LRRC4C: variants seen among roughly 807,000 people sequenced by gnomAD.
LRRC4C encodes leucine rich repeat containing 4C.
Under a neutral mutation model 33.6 loss-of-function variants are expected in LRRC4C, and 5 were observed. The ratio of observed to expected loss-of-function variants is 0.15; its 90% CI spans 0.08 to 0.31. The LOEUF (loss-of-function observed/expected upper bound fraction) is 0.31, where lower values mean the gene tolerates loss of function less well. Ranked by LOEUF, LRRC4C falls within the 10% of genes least tolerant of loss-of-function variation. The pLI, the probability that LRRC4C is intolerant of heterozygous loss-of-function variation, is 1.00. For synonymous variants in LRRC4C, 329 were observed against 302.0 expected (o/e 1.09, Z -0.93); for missense variants, 560 against 796.7 (o/e 0.70, Z 3.58).
chr11:40,878,878 T>C (rs1955040008), intron 2 of LRRC4C, among the ~76,000 whole-genome samples: 1 of 152,184 alleles, frequency 6.6e-6, no homozygotes, highest in Admixed American at 6.6e-5. Flanking sequence ...CTGACATTGT[T>C]TCCTTGGTCT....
At chr11:40,938,180 G>A (rs773063500) in intron 1 of LRRC4C, among the ~76,000 whole-genome samples, 2 of 152,128 alleles carry the variant, frequency 1.3e-5, no homozygotes, top group African/African-American at 4.8e-5. Context: ...ATGAACAGGC[G>A]CAGGTCTCCT....
At chr11:40,769,246 C>T (rs761237165) in intron 2 of LRRC4C, among the ~76,000 whole-genome samples, 1 of 151,776 alleles carries the variant, frequency 6.6e-6, no homozygotes, top group Non-Finnish European at 1.5e-5. Flanking sequence ...CAAATAAAAT[C>T]AAATGCTTAA....
chr11:41,269,953 C>T (rs1949270622), intron 1 of LRRC4C, among the ~76,000 whole-genome samples: 1 of 152,094 alleles, frequency 6.6e-6, no homozygotes, highest in Non-Finnish European at 1.5e-5. Context: ...TTACCAGTTA[C>T]TAACTGGAGG....
intron 3 of LRRC4C, among the ~76,000 whole-genome samples, chr11:40,488,274 GT>G (rs112513529): frequency 7.6e-4 from 115 of 151,292 alleles, no homozygotes; most frequent in East Asian, 6.3e-3. Flanking sequence ...CATACAGGGT[GT>G]TTTTTTCCCC....
In LRRC4C at chr11:40,832,977, T is replaced by C. The variant is rs527397246; in HGVS notation, c.-407+100658A>G. ...AGCATAAGGAGGTTTCACAAGACCA[T>C]GGCATATTTTTGTATTCTTGTAAAA... On this transcript the variant is annotated intron_variant, in intron 2 of 6. Coordinates refer to ENST00000528697, the MANE Select transcript of LRRC4C (RefSeq NM_001258419.2). 3.9e-5 allele frequency among the ~76,000 whole-genome samples: 6 copies of C among 152,282 alleles called. 1 individual carries two copies. Among genetic ancestry groups the C allele is most frequent in the African/African-American group, 1.4e-4 (6 of 41,568 alleles).
Position 41,017,211 on chromosome 11 carries a change from A to G in LRRC4C, c.-495-83488T>C, listed in dbSNP as rs1269064788. Reference sequence around the variant, plus strand: ...TTTTGGAGGATTAGGCAATGTCCAAAGTAAAGTAGTTGAACAAACATTTGG... The same window carrying G: ...TTTTGGAGGATTAGGCAATGTCCAAGGTAAAGTAGTTGAACAAACATTTGG... On this transcript the variant is annotated intron_variant, in intron 1 of 6. Transcript: ENST00000528697. Among the ~76,000 whole-genome samples the G allele has an allele frequency of 3.9e-5, 6 of 152,224 alleles. No individual in the cohort carries two copies. The East Asian group carries it at 1.2e-3, about 29-fold the overall frequency.
intron 2 of LRRC4C, among the ~76,000 whole-genome samples, chr11:40,769,073 C>T (rs993381748): frequency 3.2e-4 from 48 of 151,734 alleles, no homozygotes; most frequent in Non-Finnish European, 5.9e-4. Context: ...TGATAATACA[C>T]AGAAAAACCA....
chr11:41,275,853 G>A (rs1393746486), intron 1 of LRRC4C, among the ~76,000 whole-genome samples: 1 of 152,078 alleles, frequency 6.6e-6, no homozygotes, highest in African/African-American at 2.4e-5. Context: ...AAAAATGCAG[G>A]TTATCAAAGA....
intron 1 of LRRC4C, among the ~76,000 whole-genome samples, chr11:40,983,500 CAAAATCTG>C (rs894406321): frequency 6.6e-6 from 1 of 152,094 alleles, no homozygotes; most frequent in African/African-American, 2.4e-5. Flanking sequence ...GCAACAAAAG[CAAAATCTG>C]ACAAATGGGA....
At chr11:41,144,505 A>G (rs919452066) in intron 1 of LRRC4C, among the ~76,000 whole-genome samples, 1 of 152,196 alleles carries the variant, frequency 6.6e-6, no homozygotes, top group African/African-American at 2.4e-5. Context: ...TGGATAGCCA[A>G]TATTATGAGT....
intron 1 of LRRC4C, among the ~76,000 whole-genome samples, chr11:40,994,302 G>A (rs568772024): frequency 6.6e-6 from 1 of 152,200 alleles, no homozygotes; most frequent in Non-Finnish European, 1.5e-5. Context: ...AAAGTGAGGT[G>A]CAACATGATA....
intron 3 of LRRC4C, among the ~76,000 whole-genome samples, chr11:40,522,637 A>G (rs1955868565): frequency 6.6e-6 from 1 of 152,198 alleles, no homozygotes; most frequent in Non-Finnish European, 1.5e-5. Flanking sequence ...TTTAATTTCA[A>G]CTGAATTACA....
At chr11:41,100,336 G>A (rs148692556) in intron 1 of LRRC4C, among the ~76,000 whole-genome samples, 1 of 152,144 alleles carries the variant, frequency 6.6e-6, no homozygotes, top group East Asian at 1.9e-4. Flanking sequence ...GGAGGCCCGA[G>A]GTGGGTGGAT....
At chr11:40,474,189 A>G (rs550020513) in intron 3 of LRRC4C, among the ~76,000 whole-genome samples, 1 of 151,522 alleles carries the variant, frequency 6.6e-6, no homozygotes, top group East Asian at 1.9e-4. Flanking sequence ...TCAGGTTACA[A>G]GGCTATAATA....
intron 1 of LRRC4C, among the ~76,000 whole-genome samples, chr11:41,162,071 A>G (rs1377320520): frequency 1.1e-4 from 17 of 152,166 alleles, no homozygotes; most frequent in Admixed American, 1.1e-3. Flanking sequence ...CTCATGAGGT[A>G]AGAGATTTTT....
chr11:40,590,475 G>A (rs1958988027), intron 3 of LRRC4C, among the ~76,000 whole-genome samples: 1 of 151,912 alleles, frequency 6.6e-6, no homozygotes, highest in South Asian at 2.1e-4. Context: ...TCTTCTCTCA[G>A]CTCGTCAAAG....
chr11:40,276,610 T>C (rs1943115410), intron 4 of LRRC4C, among the ~76,000 whole-genome samples: 1 of 151,914 alleles, frequency 6.6e-6, no homozygotes, highest in Non-Finnish European at 1.5e-5. Flanking sequence ...CACATGTCTC[T>C]AGAAGGCCCT....
chr11:40,489,251 T>C (rs1954023417), intron 3 of LRRC4C, among the ~76,000 whole-genome samples: 1 of 152,122 alleles, frequency 6.6e-6, no homozygotes. Flanking sequence ...GTCCATTCTC[T>C]TCACTGCTTT....
chr11:40,238,776 A>G (rs1210790263), intron 5 of LRRC4C, among the ~76,000 whole-genome samples: 5 of 152,092 alleles, frequency 3.3e-5, no homozygotes, highest in Admixed American at 2.6e-4. Flanking sequence ...CTTCTCCCCT[A>G]TCTTATTCAT....
Sources: allele counts gnomAD v4.1 joint callset (sites outside exome capture counted in the v4.1 genomes callset), GRCh38; gene constraint gnomAD v4.1.1; transcripts MANE v1.5; gene names NCBI Gene and HGNC (gene_info 2026-07-23, HGNC 2026-07-21).